The following CISD2 variants were observed in gnomAD, a reference collection of about 807,000 sequenced individuals.
The protein encoded by CISD2 is CDGSH iron-sulfur domain-containing protein 2.
Under a neutral mutation model 12.9 loss-of-function variants are expected in CISD2, and 1 was observed. The ratio of observed to expected loss-of-function variants is 0.08; its 90% CI spans 0.03 to 0.37. The LOEUF is 0.37. Among genes scored for constraint, CISD2 ranks in the 10% least tolerant of loss-of-function variants. The probability of loss-of-function intolerance (pLI) is 0.99; values close to 1 mark genes in which losing one functional copy is unlikely to be tolerated. For missense variants in CISD2, 97 were observed against 163.1 expected (o/e 0.59, Z 2.21); for synonymous variants, 50 against 60.6 (o/e 0.83, Z 0.81).
chr4:102,882,014 A>G (rs1442268808), intron 1 of CISD2, among the ~76,000 whole-genome samples: 2 of 152,092 alleles, frequency 1.3e-5, no homozygotes, highest in Admixed American at 6.5e-5. Context: ...CAACATGGTG[A>G]AACCCCATCT....
intron 1 of CISD2, among the ~76,000 whole-genome samples, chr4:102,872,739 C>T (rs909722457): frequency 2.6e-5 from 4 of 152,138 alleles, no homozygotes; most frequent in Non-Finnish European, 1.5e-5. Context: ...GGTGTCATAG[C>T]TAGCCTGTGT....
chr4:102,870,026 C>T (rs1304945008), intron 1 of CISD2, among the ~76,000 whole-genome samples: 1 of 152,088 alleles, frequency 6.6e-6, no homozygotes, highest in Middle Eastern at 3.2e-3. Flanking sequence ...TATTTCTAAA[C>T]GGAACTCAGA....
At position 102,888,427 on chromosome 4, in the gene CISD2, A is replaced by T. The variant is rs557453240; in HGVS notation, c.*997A>T. 3.3e-5 allele frequency: 5 copies of T among 152,286 alleles called. 1 individual carries two copies. The South Asian group carries it at 1.0e-3, about 32-fold the overall frequency. 9.4% of individuals were successfully genotyped at this position (152,286 alleles called of 1,614,324 possible). ...TCCGTACACATGAGTTTCACATCCC[A>T]TGCACAAATGCTGATCTGTGTGACC... On this transcript the variant is annotated 3_prime_UTR_variant, in exon 3 of 3. Transcript: ENST00000273986.
chr4:102,870,367 C>G (rs537812172), intron 1 of CISD2, among the ~76,000 whole-genome samples: 16 of 151,614 alleles, frequency 1.1e-4, no homozygotes, highest in African/African-American at 3.9e-4. Context: ...AGTGATAGCC[C>G]CTCTCAAAGA....
chr4:102,886,188 T>C (rs1463719370), intron 2 of CISD2, among the ~76,000 whole-genome samples: 1 of 152,104 alleles, frequency 6.6e-6, no homozygotes, highest in African/African-American at 2.4e-5. Flanking sequence ...CAATTTTGTT[T>C]AAAAAACGAA....
In CISD2 at chr4:102,869,029, G is replaced by C. The variant is rs223332; in HGVS notation, c.-56G>C. On this transcript the variant is annotated 5_prime_UTR_variant, in exon 1 of 3. Coordinates refer to ENST00000273986, the MANE Select transcript of CISD2 (RefSeq NM_001008388.5). Reference sequence around the variant, plus strand: ...CCGCTTCCGCTCCCGGCGCAGGCGCGGCAGCTTGGCCAGAGCGGAGGGGGC... The same window carrying C: ...CCGCTTCCGCTCCCGGCGCAGGCGCCGCAGCTTGGCCAGAGCGGAGGGGGC... 9.2e-6 allele frequency: 14 copies of C among 1,523,020 alleles called. No individual in the cohort carries two copies. In the Admixed American group the frequency reaches 1.0e-4, roughly 11 times the overall value. 94.3% of individuals were successfully genotyped at this position (1,523,020 alleles called of 1,614,324 possible).
rs758952755 is a variant in CISD2, at chr4:102,888,603, A to ATCTT, written c.*1175_*1178dup. 1 of 152,164 alleles carries ATCTT rather than the reference A, an allele frequency of 6.6e-6. No individual in the cohort carries two copies. Among genetic ancestry groups the ATCTT allele is most frequent in the Non-Finnish European group, 1.5e-5 (1 of 68,028 alleles). 9.4% of individuals were successfully genotyped at this position (152,164 alleles called of 1,614,324 possible). On this transcript the variant is annotated 3_prime_UTR_variant, in exon 3 of 3. Transcript: ENST00000273986. ...GTGCTTTTTAATCCTACTATTATGA[A>ATCTT]TCTTTTTAGTTTCATCTTACATTAC...
At chr4:102,879,751 G>A (rs984290400) in intron 1 of CISD2, among the ~76,000 whole-genome samples, 1 of 151,930 alleles carries the variant, frequency 6.6e-6, no homozygotes, top group Non-Finnish European at 1.5e-5. Context: ...CAGCTTGGGC[G>A]ACAGAGCGAG....
At chr4:102,882,407 A>T (rs574062332) in intron 1 of CISD2, among the ~76,000 whole-genome samples, 1 of 152,156 alleles carries the variant, frequency 6.6e-6, no homozygotes, top group African/African-American at 2.4e-5. Context: ...AACAGAAGGA[A>T]CTCCATATGC....
At chr4:102,869,280 A>G in intron 1 of CISD2, 93 bp downstream of exon 1, 1 of 1,495,078 alleles carries the variant, frequency 6.7e-7, no homozygotes, top group Non-Finnish European at 9.1e-7. Flanking sequence ...GGCGGGACGG[A>G]GCTCGGCGCC....
intron 1 of CISD2, among the ~76,000 whole-genome samples, chr4:102,877,862 T>C (rs1457220476): frequency 1.3e-5 from 2 of 152,198 alleles, no homozygotes; most frequent in East Asian, 3.9e-4. Flanking sequence ...GCTCAAGCTG[T>C]ATGTTGGCCC....
chr4:102,883,853 G>T (rs1045860396), intron 1 of CISD2, among the ~76,000 whole-genome samples: 1 of 152,154 alleles, frequency 6.6e-6, no homozygotes, highest in African/African-American at 2.4e-5. Context: ...CAAAGGAGTT[G>T]CTAGTACTTC....
In CISD2 at chr4:102,888,511, G is replaced by C. The variant is rs1316532333; in HGVS notation, c.*1081G>C. The C allele has an allele frequency of 6.6e-6, 1 of 152,242 alleles. No individual in the cohort carries two copies. Among genetic ancestry groups the C allele is most frequent in the African/African-American group, 2.4e-5 (1 of 41,468 alleles). 9.4% of individuals were successfully genotyped at this position (152,242 alleles called of 1,614,324 possible). On this transcript the variant is annotated 3_prime_UTR_variant, in exon 3 of 3. Transcript: ENST00000273986. ...AATTGTACCCACCCAGTTCAAACCCGTGTGTAAGGGTCAACTGTACAAAAA... is the reference window on the plus strand; with the variant it reads ...AATTGTACCCACCCAGTTCAAACCCCTGTGTAAGGGTCAACTGTACAAAAA...
At chr4:102,872,535 A>G (rs755852838) in intron 1 of CISD2, among the ~76,000 whole-genome samples, 27 of 152,332 alleles carry the variant, frequency 1.8e-4, no homozygotes, top group Admixed American at 3.3e-4. Context: ...TTTTTATGGT[A>G]TCATAAGATG....
chr4:102,874,440 T>G (rs1293188349), intron 1 of CISD2: 1 of 152,228 alleles, frequency 6.6e-6, no homozygotes, highest in Non-Finnish European at 1.5e-5. Context: ...TATACCCATA[T>G]GACAAACCTG....
At position 102,869,069 on chromosome 4, in the gene CISD2, GA is replaced by G; in HGVS notation, c.-15del. 6.2e-7 allele frequency: 1 copy of G among 1,601,822 alleles called. No homozygotes were observed. Among genetic ancestry groups the G allele is most frequent in the Non-Finnish European group, 8.5e-7 (1 of 1,174,990 alleles). Reference sequence around the variant, plus strand: ...GCGGAGGGGGCTCGGGAGAGGAGTGGACGCCGCTGGCCAGGATGGTGCTGGA... The same window carrying G: ...GCGGAGGGGGCTCGGGAGAGGAGTGGCGCCGCTGGCCAGGATGGTGCTGGA... On this transcript the variant is annotated 5_prime_UTR_variant, in exon 1 of 3. Transcript: ENST00000273986.
chr4:102,889,404 CTCT>C lies in CISD2; in HGVS notation c.*1979_*1981del, dbSNP rs1218471297. ...TATCCTGATCTGTGTTCATGAAATG[CTCT>C]TCTTTTTGTAAAATCTATCACTGCA... On this transcript the variant is annotated 3_prime_UTR_variant, in exon 3 of 3. Transcript: ENST00000273986. 6.6e-6 allele frequency: 1 copy of C among 152,174 alleles called. No homozygotes were observed. Among genetic ancestry groups the C allele is most frequent in the African/African-American group, 2.4e-5 (1 of 41,444 alleles). The allele number at this position is 152,174 out of a possible 1,614,324, so 9.4% of individuals were successfully genotyped here.
intron 2 of CISD2, among the ~76,000 whole-genome samples, chr4:102,886,699 T>TCC (rs1255125805): frequency 1.3e-5 from 2 of 152,072 alleles, no homozygotes; most frequent in Non-Finnish European, 2.9e-5. Flanking sequence ...CACTGCAACC[T>TCC]CCACCTCCTG....
At chr4:102,869,606 C>T (rs1733372231) in intron 1 of CISD2, 1 of 685,456 alleles carries the variant, frequency 1.5e-6, no homozygotes, top group Non-Finnish European at 2.7e-6. Flanking sequence ...GTTGTACCCT[C>T]AGCATGTGGG....
Sources: allele counts gnomAD v4.1 joint callset (sites outside exome capture counted in the v4.1 genomes callset), GRCh38; gene constraint gnomAD v4.1.1; transcripts MANE v1.5; gene names NCBI Gene and HGNC (gene_info 2026-07-23, HGNC 2026-07-21).